Variants in LRMDA observed in about 807,000 individuals in gnomAD.
LRMDA encodes the protein leucine rich melanocyte differentiation associated, also known as leucine-rich melanocyte differentiation-associated protein.
A neutral mutation model predicts 29.8 loss-of-function variants in LRMDA; 18 were observed. That is an observed-to-expected ratio of 0.60 (90% confidence interval 0.42 to 0.90). The LOEUF (loss-of-function observed/expected upper bound fraction) is 0.90. Among genes scored for constraint, LRMDA ranks in the 40% least tolerant of loss-of-function variants. The pLI, the probability that LRMDA is intolerant of heterozygous loss-of-function variation, is 0.00. For missense variants in LRMDA, 273 were observed against 273.9 expected, an observed-to-expected ratio of 1.00 and a Z score of 0.02; for synonymous variants, 125 against 109.4, an observed-to-expected ratio of 1.14 and a Z score of -0.89.
chr10:76,088,214 C>G (rs1336300612), intron 5 of LRMDA, among the ~76,000 whole-genome samples: 2 of 152,202 alleles, frequency 1.3e-5, no homozygotes, highest in African/African-American at 4.8e-5. Context: ...CTGCTGTAAT[C>G]TAGCCGAGGC....
intron 5 of LRMDA, 27 bp downstream of exon 5, chr10:76,058,810 CAA>C: frequency 1.3e-6 from 2 of 1,544,642 alleles, no homozygotes; most frequent in Non-Finnish European, 1.8e-6. Flanking sequence ...CTGTTCTTCA[CAA>C]GGGATTTACA....
intron 5 of LRMDA, among the ~76,000 whole-genome samples, chr10:76,135,884 C>G (rs1850085734): frequency 6.6e-6 from 1 of 152,000 alleles, no homozygotes; most frequent in Non-Finnish European, 1.5e-5. Context: ...TACACTCACA[C>G]TTACCTGGGG....
At chr10:76,532,874 T>G (rs1466896072) in intron 6 of LRMDA, among the ~76,000 whole-genome samples, 1 of 152,130 alleles carries the variant, frequency 6.6e-6, no homozygotes, top group Non-Finnish European at 1.5e-5. Context: ...TTACATTGCT[T>G]TAGTTATCAC....
intron 2 of LRMDA, among the ~76,000 whole-genome samples, chr10:75,906,818 G>T (rs2132372080): frequency 6.6e-6 from 1 of 152,344 alleles, no homozygotes; most frequent in East Asian, 1.9e-4. Context: ...AACACAAGAT[G>T]CTTTACTTCT....
intron 6 of LRMDA, among the ~76,000 whole-genome samples, chr10:76,436,610 A>G (rs1054956677): frequency 2.6e-5 from 4 of 152,170 alleles, no homozygotes; most frequent in African/African-American, 9.6e-5. Context: ...ACAGGTTCCT[A>G]TGCGGAGAGC....
chr10:76,478,995 G>C (rs1589208598), intron 6 of LRMDA, among the ~76,000 whole-genome samples: 2 of 151,530 alleles, frequency 1.3e-5, no homozygotes, highest in African/African-American at 2.4e-5. Flanking sequence ...CATGTATACA[G>C]ATGTAACAAA....
At chr10:76,457,870 G>C (rs768089085) in intron 6 of LRMDA, among the ~76,000 whole-genome samples, 4 of 152,118 alleles carry the variant, frequency 2.6e-5, no homozygotes, top group Non-Finnish European at 4.4e-5. Context: ...ATAGGGTGTA[G>C]CTGCTGCAAA....
intron 2 of LRMDA, among the ~76,000 whole-genome samples, chr10:75,805,452 T>G (rs1238207477): frequency 6.6e-6 from 1 of 152,176 alleles, no homozygotes; most frequent in Non-Finnish European, 1.5e-5. Flanking sequence ...GAACAGAACA[T>G]CTGAATCAAG....
intron 2 of LRMDA, among the ~76,000 whole-genome samples, chr10:75,897,817 C>CCTTTTTTTTTTTTTTTTTTTTTTTT (rs1554832859): frequency 1.3e-5 from 1 of 78,420 alleles, no homozygotes; most frequent in African/African-American, 5.2e-5. Context: ...TTCTTCCTGC[C>CCTTTTTTTTTTTTTTTTTTTTTTTT]TTTTTTTTTT....
chr10:76,239,695 G>A (rs1852234143), intron 5 of LRMDA, among the ~76,000 whole-genome samples: 1 of 151,986 alleles, frequency 6.6e-6, no homozygotes, highest in African/African-American at 2.4e-5. Context: ...TCCTTGCCAT[G>A]CCATCTAACT....
At chr10:75,489,696 G>A (rs369489041) in intron 2 of LRMDA, among the ~76,000 whole-genome samples, 31 of 152,286 alleles carry the variant, frequency 2.0e-4, no homozygotes, top group African/African-American at 7.5e-4. Flanking sequence ...TTATCACCAG[G>A]AAGTGTTAGA....
chr10:75,751,989 G>A (rs1193763025), intron 2 of LRMDA, among the ~76,000 whole-genome samples: 2 of 151,708 alleles, frequency 1.3e-5, no homozygotes, highest in Non-Finnish European at 2.9e-5. Flanking sequence ...GGAAAATGAC[G>A]AGTTTGGTGC....
intron 2 of LRMDA, among the ~76,000 whole-genome samples, chr10:75,498,907 G>A (rs1845080090): frequency 6.6e-6 from 1 of 152,134 alleles, no homozygotes; most frequent in South Asian, 2.1e-4. Context: ...GAGTGAGTTG[G>A]TTTTGGGAGG....
At chr10:75,432,007 C>A (rs1844204785) in intron 1 of LRMDA, among the ~76,000 whole-genome samples, 1 of 152,202 alleles carries the variant, frequency 6.6e-6, no homozygotes. Flanking sequence ...TCCTTCTGCC[C>A]TTAGCGCCTC....
In LRMDA at chr10:75,753,184, A is replaced by G. The variant is rs918274187; in HGVS notation, c.132-282824A>G. ...GCCCTACAAAGCTGGAATCTCACTT[A>G]TCCATTCATTCTGCAGATATTTGTT... On this transcript the variant is annotated intron_variant, in intron 2 of 6. Coordinates refer to ENST00000611255, the MANE Select transcript of LRMDA (RefSeq NM_001305581.2). Among the ~76,000 whole-genome samples the G allele has an allele frequency of 3.9e-5, 6 of 152,292 alleles. No homozygotes were observed. In the South Asian group the frequency reaches 1.0e-3, roughly 26 times the overall value.
At chr10:75,784,689 G>A (rs1267864190) in intron 2 of LRMDA, among the ~76,000 whole-genome samples, 2 of 148,674 alleles carry the variant, frequency 1.3e-5, no homozygotes, top group East Asian at 2.0e-4. Context: ...GCGACAGAGC[G>A]AGACTCCATC....
At chr10:75,648,083 T>C (rs1025625381) in intron 2 of LRMDA, among the ~76,000 whole-genome samples, 2 of 152,248 alleles carry the variant, frequency 1.3e-5, no homozygotes, top group Non-Finnish European at 2.9e-5. Flanking sequence ...GGGAACCTGC[T>C]GATGTTCATA....
intron 2 of LRMDA, among the ~76,000 whole-genome samples, chr10:75,543,307 T>G (rs1162144793): frequency 6.6e-6 from 1 of 152,230 alleles, no homozygotes; most frequent in East Asian, 1.9e-4. Flanking sequence ...TTAAAATAAC[T>G]CTATTCTATT....
At chr10:75,597,023 C>T (rs1840798887) in intron 2 of LRMDA, among the ~76,000 whole-genome samples, 4 of 151,076 alleles carry the variant, frequency 2.6e-5, no homozygotes, top group Non-Finnish European at 5.9e-5. Flanking sequence ...CTTTTTCTCC[C>T]TCTCCCCCTC....
Sources: gnomAD v4.1 joint callset for allele counts (sites outside exome capture counted in the v4.1 genomes callset) on GRCh38, gnomAD v4.1.1 for gene constraint, MANE v1.5 for transcripts, NCBI Gene and HGNC (gene_info 2026-07-23, HGNC 2026-07-21) for gene names.